The following SMIM13 variants were observed in gnomAD, a reference collection of about 807,000 sequenced individuals.
The protein encoded by SMIM13 is small integral membrane protein 13, also known as UPF0766 protein C6orf228.
SMIM13 carries 3 observed loss-of-function variants against 5.9 expected under a neutral mutation model. The ratio of observed to expected loss-of-function variants is 0.51; its 90% CI spans 0.23 to 1.31. The LOEUF is 1.31. Ranked by LOEUF, SMIM13 falls within the 40% of genes most tolerant of loss-of-function variation. The probability of loss-of-function intolerance (pLI) is 0.18; values close to 1 mark genes in which losing one functional copy is unlikely to be tolerated. For synonymous variants in SMIM13, 55 were observed against 46.0 expected, an observed-to-expected ratio of 1.19 and a Z score of -0.79; for missense variants, 85 against 109.9, an observed-to-expected ratio of 0.77 and a Z score of 1.01.
In SMIM13 at chr6:11,136,460, CTATT is replaced by C. The variant is rs1758518569; in HGVS notation, c.*1861_*1864del. 6.6e-6 allele frequency: 1 copy of C among 152,130 alleles called. No individual in the cohort carries two copies. The highest frequency in any genetic ancestry group is 2.4e-5 in the African/African-American group (1 of 41,418). 9.4% of individuals were successfully genotyped at this position (152,130 alleles called of 1,614,324 possible). ...TTAAGGACTAGTCATCACAAAATAT[CTATT>C]TAACCTCTATTTTATGATGGTGTGT... is the stretch of plus-strand genomic sequence containing the variant. On this transcript the variant is annotated 3_prime_UTR_variant, in exon 2 of 2. Transcript: ENST00000416247.
chr6:11,117,086 G>A (rs1758250238), intron 1 of SMIM13, among the ~76,000 whole-genome samples: 1 of 141,588 alleles, frequency 7.1e-6, no homozygotes, highest in Non-Finnish European at 1.5e-5. Flanking sequence ...CACCTCCCGG[G>A]TTCAACTGAT....
intron 1 of SMIM13, among the ~76,000 whole-genome samples, chr6:11,106,945 G>A (rs1334093490): frequency 2.0e-5 from 3 of 152,194 alleles, no homozygotes; most frequent in Non-Finnish European, 4.4e-5. Context: ...TTTGGAATTT[G>A]TATATACTCC....
chr6:11,127,414 G>C (rs1273666559), intron 1 of SMIM13, among the ~76,000 whole-genome samples: 1 of 152,216 alleles, frequency 6.6e-6, no homozygotes, highest in South Asian at 2.1e-4. Flanking sequence ...GGCCCACAGG[G>C]ACTACTGTCT....
intron 1 of SMIM13, among the ~76,000 whole-genome samples, chr6:11,113,976 G>T (rs67794216): frequency 0.22 from 31,598 of 143,680 alleles, 3,804 homozygotes; most frequent in African/African-American, 0.32. Context: ...TATTCTTTTT[G>T]TTTTTTTTTT....
At chr6:11,115,842 G>A (rs1299321396) in intron 1 of SMIM13, among the ~76,000 whole-genome samples, 1 of 147,088 alleles carries the variant, frequency 6.8e-6, no homozygotes, top group African/African-American at 2.5e-5. Context: ...GGGCCACCAT[G>A]CCTGGCTAAT....
intron 1 of SMIM13, among the ~76,000 whole-genome samples, chr6:11,101,866 A>G (rs1757998497): frequency 1.3e-5 from 2 of 152,004 alleles, no homozygotes; most frequent in South Asian, 4.2e-4. Context: ...CAGCCACCCA[A>G]GTAGCTGTAT....
At chr6:11,112,412 C>G (rs1328970132) in intron 1 of SMIM13, among the ~76,000 whole-genome samples, 1 of 152,062 alleles carries the variant, frequency 6.6e-6, no homozygotes, top group Non-Finnish European at 1.5e-5. Flanking sequence ...ACCACCATGC[C>G]CAGCTAATTT....
At chr6:11,101,186 T>A (rs189571994) in intron 1 of SMIM13, among the ~76,000 whole-genome samples, 1 of 152,150 alleles carries the variant, frequency 6.6e-6, no homozygotes, top group Non-Finnish European at 1.5e-5. Flanking sequence ...GTCTCTTAAA[T>A]TGAGTTTTTA....
At chr6:11,104,424 C>T (rs763998164) in intron 1 of SMIM13, 23 of 1,551,570 alleles carry the variant, frequency 1.5e-5, no homozygotes, top group Middle Eastern at 3.3e-4. Context: ...ATAAAAGGCT[C>T]CTTGAGTTTT....
At chr6:11,114,521 A>T (rs6909112) in intron 1 of SMIM13, among the ~76,000 whole-genome samples, 29,216 of 140,632 alleles carry the variant, frequency 0.21, 3,364 homozygotes, top group East Asian at 0.46. Flanking sequence ...TTTTTTTTTT[A>T]AATCAGGAGT....
intron 1 of SMIM13, among the ~76,000 whole-genome samples, chr6:11,121,909 A>G (rs1758315158): frequency 9.9e-6 from 1 of 100,620 alleles, no homozygotes; most frequent in South Asian, 2.8e-4. Context: ...CTCCCCTTAC[A>G]TACATACCTA....
At chr6:11,117,391 G>A (rs1581917387) in intron 1 of SMIM13, among the ~76,000 whole-genome samples, 1 of 150,838 alleles carries the variant, frequency 6.6e-6, no homozygotes, top group Admixed American at 6.6e-5. Context: ...TGGCCAGGAT[G>A]GTCTCAATCT....
chr6:11,125,966 A>G (rs1397975898), intron 1 of SMIM13, among the ~76,000 whole-genome samples: 1 of 152,182 alleles, frequency 6.6e-6, no homozygotes, highest in African/African-American at 2.4e-5. Context: ...TTCTCAGATT[A>G]GCCCTTCTGA....
Position 11,114,365 on chromosome 6 carries a change from A to G in SMIM13, c.76+19976A>G, listed in dbSNP as rs1758209023. ...TATAATGTTGCAAGAAAGGAGTGAG[A>G]GCAGACCTTCCTCCCTGATCTTTTG... On this transcript the variant is annotated intron_variant, in intron 1 of 1. Transcript: ENST00000416247. 2.0e-5 allele frequency among the ~76,000 whole-genome samples: 3 copies of G among 152,272 alleles called. No individual in the cohort carries two copies. In the South Asian group the frequency reaches 6.2e-4, roughly 32 times the overall value.
intron 1 of SMIM13, among the ~76,000 whole-genome samples, chr6:11,130,716 A>T (rs1758441944): frequency 6.6e-6 from 1 of 152,168 alleles, no homozygotes. Context: ...AGAGTCTGTG[A>T]TCTAGCTGAA....
At chr6:11,128,245 G>C (rs777209944) in intron 1 of SMIM13, among the ~76,000 whole-genome samples, 5 of 152,142 alleles carry the variant, frequency 3.3e-5, no homozygotes, top group Non-Finnish European at 7.4e-5. Flanking sequence ...AATGCATCCT[G>C]CTAGGACTGG....
At chr6:11,111,142 G>C (rs191691538) in intron 1 of SMIM13, among the ~76,000 whole-genome samples, 52 of 152,298 alleles carry the variant, frequency 3.4e-4, no homozygotes, top group Admixed American at 1.3e-3. Context: ...CCATCTCTTG[G>C]TTGCCAGGCT....
At chr6:11,131,398 T>C (rs1323046885) in intron 1 of SMIM13, among the ~76,000 whole-genome samples, 2 of 151,684 alleles carry the variant, frequency 1.3e-5, no homozygotes, top group East Asian at 1.9e-4. Flanking sequence ...AAATTCTTGA[T>C]GCCATTTTTT....
intron 1 of SMIM13, 136 bp from the exon 2 acceptor site, chr6:11,134,267 G>A (rs537384528): frequency 5.3e-6 from 3 of 563,514 alleles, no homozygotes; most frequent in Non-Finnish European, 8.9e-6. Context: ...AAAAATGTTT[G>A]TTATATCATT....
Sources: gnomAD v4.1 joint callset for allele counts (sites outside exome capture counted in the v4.1 genomes callset) on GRCh38, gnomAD v4.1.1 for gene constraint, MANE v1.5 for transcripts, NCBI Gene and HGNC (gene_info 2026-07-23, HGNC 2026-07-21) for gene names.